Variants in MOB1B observed in about 807,000 individuals in gnomAD.
The protein encoded by MOB1B is MOB1 Mps One Binder homolog B.
In MOB1B, 19 loss-of-function variants were observed where a neutral mutation model predicts 24.4. The observed-to-expected ratio is 0.78, with a 90% CI of 0.54 to 1.14. The LOEUF (loss-of-function observed/expected upper bound fraction) is 1.14, where lower values mean the gene tolerates loss of function less well. Among genes scored for constraint, MOB1B ranks in the 50% most tolerant of loss-of-function variants. The probability of loss-of-function intolerance (pLI) is 0.00; values close to 1 mark genes in which losing one functional copy is unlikely to be tolerated. For missense variants in MOB1B, 243 were observed against 259.6 expected, an observed-to-expected ratio of 0.94 and a Z score of 0.44; for synonymous variants, 76 against 82.1, an observed-to-expected ratio of 0.93 and a Z score of 0.40.
chr4:70,904,771 A>G (rs961924363), intron 1 of MOB1B, among the ~76,000 whole-genome samples: 5 of 151,636 alleles, frequency 3.3e-5, no homozygotes, highest in African/African-American at 1.2e-4. Context: ...AAAAAAAAAA[A>G]AAAAAGGTTA....
chr4:70,957,436 T>C (rs72854124), intron 1 of MOB1B, among the ~76,000 whole-genome samples: 9,868 of 144,518 alleles, frequency 0.068, 654 homozygotes, highest in African/African-American at 0.16. Context: ...CTCTCTCTCT[T>C]TTTTTTTTTT....
intron 1 of MOB1B, among the ~76,000 whole-genome samples, chr4:70,958,204 G>A (rs981762783): frequency 1.4e-5 from 2 of 145,954 alleles, no homozygotes; most frequent in South Asian, 4.3e-4. Flanking sequence ...TCACTCTGCC[G>A]CCCAGGCTAG....
chr4:70,930,124 CT>C (rs977491393), intron 1 of MOB1B, among the ~76,000 whole-genome samples: 2 of 151,968 alleles, frequency 1.3e-5, no homozygotes, highest in African/African-American at 4.8e-5. Context: ...AAAAATAATG[CT>C]TTTTTCGAAA....
At chr4:70,940,944 A>G (rs1737307806) in intron 1 of MOB1B, among the ~76,000 whole-genome samples, 1 of 152,144 alleles carries the variant, frequency 6.6e-6, no homozygotes. Flanking sequence ...AAGTGCTGGG[A>G]TTACAGGCGT....
chr4:70,911,690 A>G (rs1735994238), intron 1 of MOB1B, among the ~76,000 whole-genome samples: 1 of 152,120 alleles, frequency 6.6e-6, no homozygotes, highest in African/African-American at 2.4e-5. Context: ...TTTCTGATAT[A>G]TGAAAGCACG....
intron 1 of MOB1B, among the ~76,000 whole-genome samples, chr4:70,908,380 T>C (rs1419367084): frequency 6.6e-6 from 1 of 151,552 alleles, no homozygotes; most frequent in Non-Finnish European, 1.5e-5. Context: ...CTAGGTGTAT[T>C]TCTGTATAGG....
rs1560662795 is a variant in MOB1B at position 70,970,002 on chromosome 4, C to T, written c.253C>T (p.Pro85Ser). The change falls in exon 3 of 6, where the codon CCA (proline) becomes TCA (serine). Residue 85 changes from proline to serine, a missense_variant. Transcript: ENST00000309395. ...ITDFCTEESC[P>S]VMSAGPKYEY... ...AGACTTCTGTACAGAAGAGAGTTGT[C>T]CAGTGATGTCAGCTGGCCCAAAGTA... 24 of 1,591,806 alleles carry T rather than the reference C, an allele frequency of 1.5e-5. No individual in the cohort carries two copies. The highest frequency in any genetic ancestry group is 2.1e-5 in the Non-Finnish European group (24 of 1,165,700).
Position 70,902,445 on chromosome 4 carries a change from C to G in MOB1B, c.-92C>G. On this transcript the variant is annotated 5_prime_UTR_variant, in exon 1 of 6. Transcript: ENST00000309395. Reference sequence around the variant, plus strand: ...GGCACCTCCTCCTCCGCCTCCCTGTCTCCTGTTCCATTCGCCTTTCCTCTT... The same window carrying G: ...GGCACCTCCTCCTCCGCCTCCCTGTGTCCTGTTCCATTCGCCTTTCCTCTT... The G allele has an allele frequency of 1.4e-6, 2 of 1,384,844 alleles. No individual in the cohort carries two copies. The highest frequency in any genetic ancestry group is 1.2e-5 in the South Asian group (1 of 80,912). 85.8% of individuals were successfully genotyped at this position (1,384,844 alleles called of 1,614,324 possible).
chr4:70,902,247 G>A (rs992981122), upstream of MOB1B: 1 of 557,336 alleles, frequency 1.8e-6, no homozygotes, highest in Non-Finnish European at 3.2e-6. Flanking sequence ...GAGAGCTCGT[G>A]AGGTGGGGGC....
intron 2 of MOB1B, among the ~76,000 whole-genome samples, chr4:70,969,582 A>T (rs1381776135): frequency 6.6e-6 from 1 of 152,178 alleles, no homozygotes; most frequent in Non-Finnish European, 1.5e-5. Context: ...GACCACCTGG[A>T]AATTTCTTTT....
intron 2 of MOB1B, among the ~76,000 whole-genome samples, chr4:70,959,951 T>A (rs1027825191): frequency 6.6e-6 from 1 of 152,174 alleles, no homozygotes; most frequent in Non-Finnish European, 1.5e-5. Flanking sequence ...TGACATGATC[T>A]CGGCTCACTC....
At chr4:70,957,085 A>G (rs980365574) in intron 1 of MOB1B, among the ~76,000 whole-genome samples, 3 of 149,892 alleles carry the variant, frequency 2.0e-5, no homozygotes, top group African/African-American at 7.4e-5. Flanking sequence ...TGGAAAGTGT[A>G]ACCATTGTTT....
At chr4:70,980,886 C>T (rs1015177972) in intron 5 of MOB1B, among the ~76,000 whole-genome samples, 2 of 152,102 alleles carry the variant, frequency 1.3e-5, no homozygotes, top group African/African-American at 2.4e-5. Context: ...TGTCCACACT[C>T]GTATGTGAGA....
At chr4:70,933,644 C>T (rs1038873269) in intron 1 of MOB1B, among the ~76,000 whole-genome samples, 7 of 149,546 alleles carry the variant, frequency 4.7e-5, no homozygotes, top group East Asian at 2.0e-4. Context: ...CTCCGCCTCC[C>T]GGGTTCAAGC....
chr4:70,958,291 A>C (rs1738153644), intron 1 of MOB1B, among the ~76,000 whole-genome samples: 1 of 151,530 alleles, frequency 6.6e-6, no homozygotes, highest in African/African-American at 2.4e-5. Context: ...CAGCCTCCTG[A>C]GTGGCTGGGA....
At chr4:70,941,535 G>C (rs1283769410) in intron 1 of MOB1B, among the ~76,000 whole-genome samples, 4 of 151,950 alleles carry the variant, frequency 2.6e-5, no homozygotes, top group Non-Finnish European at 5.9e-5. Context: ...TAGAGACGGG[G>C]TTTCACTGTG....
In MOB1B at chr4:70,961,028, C is replaced by T. The variant is rs147027349; in HGVS notation, c.181+1988C>T. ...AAGATGACCAGTGGATTCCTGAAAC[C>T]GGTGATAGTACTGAACCTTCTGTAC... On this transcript the variant is annotated intron_variant, in intron 2 of 5. Transcript: ENST00000309395. 1.2e-4 allele frequency among the ~76,000 whole-genome samples: 19 copies of T among 152,172 alleles called. No homozygotes were observed. The East Asian group carries it at 2.9e-3, about 23-fold the overall frequency.
At chr4:70,905,212 TTATTTGG>T (rs1316706005) in intron 1 of MOB1B, among the ~76,000 whole-genome samples, 1 of 152,130 alleles carries the variant, frequency 6.6e-6, no homozygotes, top group Non-Finnish European at 1.5e-5. Flanking sequence ...CTTCTATTTG[TTATTTGG>T]TATAACTGTC....
chr4:70,930,716 A>T (rs938093510), intron 1 of MOB1B, among the ~76,000 whole-genome samples: 3 of 152,102 alleles, frequency 2.0e-5, no homozygotes, highest in Non-Finnish European at 4.4e-5. Context: ...CTGTGCTTGC[A>T]TTTCACTTAT....
Sources: allele counts gnomAD v4.1 joint callset (sites outside exome capture counted in the v4.1 genomes callset), GRCh38; gene constraint gnomAD v4.1.1; transcripts MANE v1.5; gene names NCBI Gene and HGNC (gene_info 2026-07-23, HGNC 2026-07-21).